The following ANKRD36 variants were observed in gnomAD, a reference collection of about 807,000 sequenced individuals.
ANKRD36 encodes the protein ankyrin repeat domain-containing protein 36A.
Under a neutral mutation model 278.1 loss-of-function variants are expected in ANKRD36, and 179 were observed. That is an observed-to-expected ratio of 0.64 (90% CI 0.57 to 0.73). The LOEUF (loss-of-function observed/expected upper bound fraction) is 0.73, where lower values mean the gene tolerates loss of function less well. ANKRD36 is among the 30% of genes least tolerant of loss of function. The pLI is 0.00. For missense variants in ANKRD36, 1,159 were observed against 1,956.7 expected (o/e 0.59, Z 7.69); for synonymous variants, 320 against 641.1 (o/e 0.50, Z 7.57).
chr2:97,179,088 G>A (rs1343895326), intron 22 of ANKRD36, among the ~76,000 whole-genome samples: 1 of 151,496 alleles, frequency 6.6e-6, no homozygotes, highest in Non-Finnish European at 1.5e-5. Context: ...TGCAATGAGT[G>A]GATGAAGGAA....
intron 42 of ANKRD36, among the ~76,000 whole-genome samples, chr2:97,197,882 G>A (rs1395430690): frequency 2.6e-5 from 4 of 151,828 alleles, no homozygotes; most frequent in Non-Finnish European, 1.5e-5. Context: ...ACTCCATATC[G>A]GGGTGAGAGA....
chr2:97,196,509 A>T lies in ANKRD36; in HGVS notation c.2552-84A>T, dbSNP rs1575666611. 1.0e-5 allele frequency: 16 copies of T among 1,585,264 alleles called. No homozygotes were observed. The East Asian group carries it at 3.7e-4, about 37-fold the overall frequency. ...TATGCTAATACAGGCAGGAGGACAG[A>T]GGTTGATGCTAACTCTGCTTGAATG... On this transcript the variant is annotated intron_variant, in intron 40 of 75. Coordinates refer to ENST00000420699, the MANE Select transcript of ANKRD36 (RefSeq NM_001354587.1).
intron 10 of ANKRD36, 84 bp from the exon 11 acceptor site, chr2:97,146,402 C>A (rs2044268251): frequency 8.6e-7 from 1 of 1,162,948 alleles, no homozygotes; most frequent in Non-Finnish European, 1.2e-6. Context: ...ATTATAGGAA[C>A]AAGTCACTGT....
intron 54 of ANKRD36, among the ~76,000 whole-genome samples, chr2:97,208,287 T>C (rs530957451): frequency 9.5e-5 from 14 of 146,848 alleles, no homozygotes; most frequent in African/African-American, 3.7e-4. Flanking sequence ...AATTTTGCTT[T>C]AATTCTCCAG....
intron 11 of ANKRD36, among the ~76,000 whole-genome samples, chr2:97,147,958 G>T (rs2153459169): frequency 6.6e-6 from 1 of 152,016 alleles, no homozygotes; most frequent in Middle Eastern, 3.4e-3. Flanking sequence ...TGTTTAACTG[G>T]AGGAACTAAC....
chr2:97,206,960 C>G (rs541295338), intron 52 of ANKRD36, among the ~76,000 whole-genome samples: 1 of 151,432 alleles, frequency 6.6e-6, no homozygotes, highest in East Asian at 2.0e-4. Flanking sequence ...CCCAAGAAGG[C>G]TATTTTAGAA....
chr2:97,157,591 G>A (rs1463471641), intron 15 of ANKRD36, among the ~76,000 whole-genome samples: 1 of 134,408 alleles, frequency 7.4e-6, no homozygotes, highest in Admixed American at 7.5e-5. Context: ...TTTGGAAGGA[G>A]CGGAGGTTAT....
intron 16 of ANKRD36, 45 bp downstream of exon 16, chr2:97,158,212 T>C (rs1359713537): frequency 7.2e-7 from 1 of 1,386,428 alleles, no homozygotes; most frequent in Non-Finnish European, 9.7e-7. Context: ...ACTGAATCTT[T>C]TTTTTTCTTT....
chr2:97,248,059 T>C (rs1199599446), intron 72 of ANKRD36: 1 of 144,558 alleles, frequency 6.9e-6, no homozygotes, highest in Non-Finnish European at 1.5e-5. Flanking sequence ...AATTATCTTC[T>C]TTTTAGTCTC....
chr2:97,211,047 A>G (rs1417026046), intron 56 of ANKRD36, among the ~76,000 whole-genome samples: 2 of 151,864 alleles, frequency 1.3e-5, no homozygotes, highest in East Asian at 2.0e-4. Flanking sequence ...TCCACTGAAG[A>G]GATGTGAAGT....
chr2:97,179,931 C>T lies in ANKRD36; in HGVS notation c.1733C>T (p.Thr578Ile). The stretch of plus-strand genomic sequence containing the variant: ...ATAAAGGAGGGACCAATATCTGGGA[C>T]AGGTAATTTTGCAAAACACATCTAA... The part of the protein sequence containing the change: ...TEIKEGPISG[T>I]VSSQKQPAEK... The change falls in exon 24 of 76, where the codon ACA becomes ATA. Residue 578 changes from threonine to isoleucine, a missense_variant and splice_region_variant. Physicochemically the swap from Thr to Ile is moderately conservative, Grantham distance 89. Coordinates refer to ENST00000420699, the MANE Select transcript of ANKRD36 (RefSeq NM_001354587.1). The T allele has an allele frequency of 6.2e-7, 1 of 1,605,068 alleles. No homozygotes were observed. The highest frequency in any genetic ancestry group is 1.1e-5 in the South Asian group (1 of 90,810).
In ANKRD36 at chr2:97,187,362, A is replaced by G; in HGVS notation, c.2104A>G (p.Ile702Val). The change falls in exon 32 of 76, where the codon ATA becomes GTA. Residue 702 changes from isoleucine (I) to valine (V), a missense_variant. Coordinates refer to ENST00000420699, the MANE Select transcript of ANKRD36 (RefSeq NM_001354587.1). ...TGACGAGGAAGACTCTGTTTCGAAT[A>G]TAGCCACAGAAATAAAGGATGGAGA... ...TTDEEDSVSN[I>V]ATEIKDGEKS... The G allele has an allele frequency of 6.2e-7, 1 of 1,609,090 alleles. No homozygotes were observed. Among genetic ancestry groups the G allele is most frequent in the Non-Finnish European group, 8.5e-7 (1 of 1,177,840 alleles).
intron 20 of ANKRD36, among the ~76,000 whole-genome samples, chr2:97,164,854 G>T (rs938046750): frequency 6.6e-6 from 1 of 152,018 alleles, no homozygotes; most frequent in Non-Finnish European, 1.5e-5. Context: ...AATTGTTTTA[G>T]AACTTCAACG....
chr2:97,200,637 T>G lies in ANKRD36; in HGVS notation c.2857+112T>G, dbSNP rs1340411911. ...GCTGCACGTTCTGATTCACCAAGCT[T>G]GAGATTCTTCTTTTCTAACAAGTTC... On this transcript the variant is annotated intron_variant, in intron 46 of 75. Coordinates refer to ENST00000420699, the MANE Select transcript of ANKRD36 (RefSeq NM_001354587.1). 4.1e-6 allele frequency: 6 copies of G among 1,468,146 alleles called. No homozygotes were observed. In the African/African-American group the frequency reaches 7.1e-5, roughly 17 times the overall value. The allele number at this position is 1,468,146 out of a possible 1,614,324, so 90.9% of individuals were successfully genotyped here.
At chr2:97,201,138 C>G (rs1170509163) in intron 46 of ANKRD36, among the ~76,000 whole-genome samples, 1 of 151,896 alleles carries the variant, frequency 6.6e-6, no homozygotes, top group Non-Finnish European at 1.5e-5. Context: ...AAGCAGGAAA[C>G]AGTGTTTGAA....
intron 67 of ANKRD36, among the ~76,000 whole-genome samples, chr2:97,226,195 G>T (rs1433850043): frequency 6.6e-6 from 1 of 151,304 alleles, no homozygotes; most frequent in African/African-American, 2.4e-5. Context: ...CTGAGGAATC[G>T]CCACACTGAC....
At chr2:97,208,368 A>G (rs2063447400) in intron 54 of ANKRD36, among the ~76,000 whole-genome samples, 1 of 146,698 alleles carries the variant, frequency 6.8e-6, no homozygotes, top group African/African-American at 2.7e-5. Flanking sequence ...TCGTACTGCC[A>G]AGAAAAGACA....
At chr2:97,206,656 A>C (rs2062938642) in intron 52 of ANKRD36, among the ~76,000 whole-genome samples, 1 of 151,466 alleles carries the variant, frequency 6.6e-6, no homozygotes, top group Non-Finnish European at 1.5e-5. Context: ...TCTGCTGAGG[A>C]AACCTGAGTG....
At chr2:97,142,370 C>T (rs2043128914) in intron 6 of ANKRD36, among the ~76,000 whole-genome samples, 1 of 151,908 alleles carries the variant, frequency 6.6e-6, no homozygotes, top group African/African-American at 2.4e-5. Flanking sequence ...CATATATCCA[C>T]AATGATACTG....
Sources: gnomAD v4.1 joint callset for allele counts (sites outside exome capture counted in the v4.1 genomes callset) on GRCh38, gnomAD v4.1.1 for gene constraint, MANE v1.5 for transcripts, NCBI Gene and HGNC (gene_info 2026-07-23, HGNC 2026-07-21) for gene names.